TRIP11: variants seen among roughly 807,000 people sequenced by gnomAD.
TRIP11 encodes thyroid receptor-interacting protein 11.
A neutral mutation model predicts 223.1 loss-of-function variants in TRIP11; 148 were observed. That is an observed-to-expected ratio of 0.66 (90% CI 0.58 to 0.76). TRIP11 has a LOEUF of 0.76. TRIP11 is among the 30% of genes least tolerant of loss of function. The pLI is 0.00. For synonymous variants in TRIP11, 762 were observed against 772.6 expected, an observed-to-expected ratio of 0.99 and a Z score of 0.23; for missense variants, 2,043 against 2,222.0, an observed-to-expected ratio of 0.92 and a Z score of 1.62.
At position 92,003,475 on chromosome 14, in the gene TRIP11, G is replaced by C. The variant is rs772368006; in HGVS notation, c.4501C>G (p.His1501Asp). ...GCAAGAGCCTTCTCCTTCATTGAGT[G>C]GCACTCAAACTCTTTTTCTCGCAGC... ...MMLREKEFEC[H>D]SMKEKALAFE... Residue 1501 changes from histidine to aspartate, a missense_variant, in exon 11 of 21, where the codon CAC becomes GAC. Coordinates refer to ENST00000267622, the MANE Select transcript of TRIP11 (RefSeq NM_004239.4). The C allele has an allele frequency of 4.3e-6, 7 of 1,613,876 alleles. No homozygotes were observed. The highest frequency in any genetic ancestry group is 1.3e-5 in the African/African-American group (1 of 74,900).
intron 7 of TRIP11, among the ~76,000 whole-genome samples, chr14:92,012,957 A>G (rs1448978488): frequency 6.6e-6 from 1 of 152,196 alleles, no homozygotes; most frequent in African/African-American, 2.4e-5. Context: ...GGAATCATGG[A>G]GAACAGAGAA....
At chr14:92,033,424 A>T (rs1040311501) in intron 1 of TRIP11, among the ~76,000 whole-genome samples, 171 bp from the exon 2 acceptor site, 1 of 152,224 alleles carries the variant, frequency 6.6e-6, no homozygotes, top group African/African-American at 2.4e-5. Context: ...CACTGACACT[A>T]ATGTTCTTCA....
At chr14:92,033,299 G>A (rs748585101) in intron 1 of TRIP11, 46 bp from the exon 2 acceptor site, 87 of 1,418,580 alleles carry the variant, frequency 6.1e-5, no homozygotes, top group Non-Finnish European at 7.9e-5. Flanking sequence ...AATACCATAT[G>A]AAGTAATAAA....
intron 13 of TRIP11, 83 bp downstream of exon 13, chr14:91,999,157 A>G: frequency 7.0e-7 from 1 of 1,431,692 alleles, no homozygotes; most frequent in Non-Finnish European, 9.6e-7. Flanking sequence ...TGCAAGGATG[A>G]GCTAACATAC....
intron 7 of TRIP11, among the ~76,000 whole-genome samples, chr14:92,012,883 G>A (rs2056989463): frequency 6.6e-6 from 1 of 152,136 alleles, no homozygotes. Context: ...TAAATGCAGG[G>A]GAGTAACCTG....
intron 13 of TRIP11, among the ~76,000 whole-genome samples, chr14:91,997,376 C>T (rs1035004088): frequency 2.0e-5 from 3 of 152,104 alleles, no homozygotes; most frequent in African/African-American, 7.2e-5. Flanking sequence ...AGTGACTTTA[C>T]ATTTCATTGG....
chr14:92,012,343 T>C (rs897184982), intron 7 of TRIP11, among the ~76,000 whole-genome samples: 1 of 152,190 alleles, frequency 6.6e-6, no homozygotes, highest in African/African-American at 2.4e-5. Flanking sequence ...TGATTCAACA[T>C]TCACTCAGGA....
rs922181119 is a variant in TRIP11, at chr14:92,029,295, T to A, written c.202-3875A>T. The stretch of plus-strand genomic sequence containing the variant: ...CCAAAGTATTATTTTTTTTTTTTTT[T>A]TTTTTTTTTTTTTTTTTTGAGATGG... On this transcript the variant is annotated intron_variant, in intron 2 of 20. Coordinates refer to ENST00000267622, the MANE Select transcript of TRIP11 (RefSeq NM_004239.4). Among the ~76,000 whole-genome samples the A allele has an allele frequency of 9.0e-3, 1,157 of 128,082 alleles. 12 individuals carry two copies. Among genetic ancestry groups the A allele is most frequent in the African/African-American group, 0.032 (1,061 of 32,732 alleles). The allele number at this position is 128,082 out of a possible 152,430, so 84.0% of individuals were successfully genotyped here.
chr14:91,981,294 G>C (rs1351990425), intron 16 of TRIP11, among the ~76,000 whole-genome samples: 1 of 151,312 alleles, frequency 6.6e-6, no homozygotes, highest in Non-Finnish European at 1.5e-5. Flanking sequence ...GGGATTACGA[G>C]TGTGAACCAC....
At position 92,021,002 on chromosome 14, in the gene TRIP11, G is replaced by A. The variant is rs187036557; in HGVS notation, c.588+554C>T. On this transcript the variant is annotated intron_variant, in intron 4 of 20. Transcript: ENST00000267622. ...GGAGAATCATTTGAACCCGGGAGGCGGAGGTTGCAGTGAGCCAATACTGTG... is the reference window on the plus strand; with the variant it reads ...GGAGAATCATTTGAACCCGGGAGGCAGAGGTTGCAGTGAGCCAATACTGTG... 3.8e-4 allele frequency among the ~76,000 whole-genome samples: 58 copies of A among 150,878 alleles called. 1 individual carries two copies. The East Asian group carries it at 8.4e-3, about 22-fold the overall frequency.
rs2057314090 is a variant in TRIP11 at position 92,035,477 on chromosome 14, A to G, written c.140-2224T>C. On this transcript the variant is annotated intron_variant, in intron 1 of 20. Coordinates refer to ENST00000267622, the MANE Select transcript of TRIP11 (RefSeq NM_004239.4). ...CAATCTTTTGGCTTCCCTGGGCCATACTGGAAGAACTGTCTTGGGCCATAC... is the reference window on the plus strand; with the variant it reads ...CAATCTTTTGGCTTCCCTGGGCCATGCTGGAAGAACTGTCTTGGGCCATAC... 2.0e-5 allele frequency among the ~76,000 whole-genome samples: 3 copies of G among 151,680 alleles called. No homozygotes were observed. The South Asian group carries it at 6.2e-4, about 31-fold the overall frequency.
intron 14 of TRIP11, among the ~76,000 whole-genome samples, chr14:91,994,606 A>T (rs2056724819): frequency 6.6e-6 from 1 of 152,212 alleles, no homozygotes; most frequent in South Asian, 2.1e-4. Context: ...ACAAATTTAA[A>T]GTTTTGCTTA....
Position 92,033,211 on chromosome 14 carries a change from T to C in TRIP11, c.182A>G (p.His61Arg), listed in dbSNP as rs142109985. Residue 61 changes from histidine (H) to arginine (R), a missense_variant, in exon 2 of 21, where the codon CAT becomes CGT. Coordinates refer to ENST00000267622, the MANE Select transcript of TRIP11 (RefSeq NM_004239.4). The stretch of plus-strand genomic sequence containing the variant: ...TCTTACCTCTGATCTCAAGATTGCA[T>C]GAATGGCTTCAATTTCCTTTGTCCT... Reference protein sequence around the residue: ...DSRTKEIEAIHAILRSENERL... With the variant: ...DSRTKEIEAIRAILRSENERL... 25 of 1,613,136 alleles carry C rather than the reference T, an allele frequency of 1.5e-5. No individual in the cohort carries two copies. In the African/African-American group the frequency reaches 2.7e-4, roughly 17 times the overall value.
intron 19 of TRIP11, 37 bp from the exon 20 acceptor site, chr14:91,972,898 A>G: frequency 5.2e-6 from 8 of 1,525,040 alleles, no homozygotes; most frequent in Non-Finnish European, 7.2e-6. Flanking sequence ...AGGCTAGATA[A>G]TTAAGTTATA....
At position 91,975,213 on chromosome 14, in the gene TRIP11, TTAACCG is replaced by T. The variant is rs764888482; in HGVS notation, c.5410_5415del (p.Arg1804_Leu1805del). 1.2e-6 allele frequency: 2 copies of T among 1,613,844 alleles called. No homozygotes were observed. Among genetic ancestry groups the T allele is most frequent in the Non-Finnish European group, 1.7e-6 (2 of 1,179,826 alleles). On this transcript the variant is annotated inframe_deletion, in exon 18 of 21. Transcript: ENST00000267622. ...CTTCTGACGCCCAGGATGCTCCCCA[TTAACCG>T]TAACACTTCATGACGCTGATTTTTC...
intron 8 of TRIP11, 48 bp from the exon 9 acceptor site, chr14:92,011,120 T>C (rs1566863826): frequency 6.4e-7 from 1 of 1,559,474 alleles, no homozygotes; most frequent in Non-Finnish European, 8.8e-7. Context: ...AAATTTCCAG[T>C]TTATAAAAAA....
In TRIP11 at chr14:92,003,928, C is replaced by T; in HGVS notation, c.4048G>A (p.Glu1350Lys). The change falls in exon 11 of 21, where the codon GAA becomes AAA. Residue 1350 changes from glutamate to lysine, a missense_variant. Glu to Lys is a moderately conservative substitution (Grantham distance 56, BLOSUM62 1). Coordinates refer to ENST00000267622, the MANE Select transcript of TRIP11 (RefSeq NM_004239.4). The stretch of plus-strand genomic sequence containing the variant: ...TCCTGTAGTGATTTTCTTAGCTCTT[C>T]TAACTCTTGCTGAAGCAATTCAGAA... ...ESSELLQQEL[E>K]ELRKSLQEKD... The T allele has an allele frequency of 6.2e-7, 1 of 1,614,138 alleles. No homozygotes were observed. Among genetic ancestry groups the T allele is most frequent in the Non-Finnish European group, 8.5e-7 (1 of 1,180,034 alleles).
chr14:92,034,097 GAA>G (rs1277757879), intron 1 of TRIP11, among the ~76,000 whole-genome samples: 2 of 152,180 alleles, frequency 1.3e-5, no homozygotes, highest in Non-Finnish European at 2.9e-5. Context: ...AGTTAGAAGA[GAA>G]GTGACTTCCT....
intron 8 of TRIP11, 107 bp from the exon 9 acceptor site, chr14:92,011,179 A>T (rs1267663415): frequency 1.0e-6 from 1 of 997,148 alleles, no homozygotes; most frequent in African/African-American, 1.6e-5. Context: ...TTCTTTAATG[A>T]TATGTAGTAA....
Sources: allele counts gnomAD v4.1 joint callset (sites outside exome capture counted in the v4.1 genomes callset), GRCh38; gene constraint gnomAD v4.1.1; transcripts MANE v1.5; gene names NCBI Gene and HGNC (gene_info 2026-07-23, HGNC 2026-07-21).